The following PTPRT variants were observed in gnomAD, a reference collection of about 807,000 sequenced individuals.
The protein encoded by PTPRT is protein tyrosine phosphatase receptor type T.
In PTPRT, 56 loss-of-function variants were observed where a neutral mutation model predicts 176.8. The observed-to-expected ratio is 0.32, with a 90% CI of 0.26 to 0.40. The LOEUF (loss-of-function observed/expected upper bound fraction) is 0.40. Ranked by LOEUF, PTPRT falls within the 10% of genes least tolerant of loss-of-function variation. PTPRT has a pLI of 1.00. For missense variants in PTPRT, 1,540 were observed against 1,908.2 expected (o/e 0.81, Z 3.60); for synonymous variants, 783 against 739.0 (o/e 1.06, Z -0.96).
chr20:43,053,933 T>C (rs1987141664), intron 1 of PTPRT, among the ~76,000 whole-genome samples: 1 of 152,220 alleles, frequency 6.6e-6, no homozygotes, highest in Admixed American at 6.5e-5. Context: ...AGGCACCTAT[T>C]TATCAACCAA....
intron 9 of PTPRT, among the ~76,000 whole-genome samples, chr20:42,414,350 G>T (rs1462464740): frequency 6.6e-6 from 1 of 152,188 alleles, no homozygotes; most frequent in Non-Finnish European, 1.5e-5. Context: ...AATAATCCAA[G>T]CATTTCTATT....
rs547932746 is a variant in PTPRT at position 42,967,371 on chromosome 20, C to T, written c.89-81439G>A. Reference sequence around the variant, plus strand: ...GGGCCCTAAATCCAGTAACGAGTGTCCTTATAAAAAACAGAAGAGGAAAAG... The same window carrying T: ...GGGCCCTAAATCCAGTAACGAGTGTTCTTATAAAAAACAGAAGAGGAAAAG... On this transcript the variant is annotated intron_variant, in intron 1 of 30. Coordinates refer to ENST00000373187, the MANE Select transcript of PTPRT (RefSeq NM_007050.6). 1.2e-4 allele frequency among the ~76,000 whole-genome samples: 18 copies of T among 152,124 alleles called. No individual in the cohort carries two copies. In the South Asian group the frequency reaches 3.8e-3, roughly 32 times the overall value.
intron 1 of PTPRT, among the ~76,000 whole-genome samples, chr20:42,987,028 C>G (rs1395533779): frequency 6.6e-6 from 1 of 152,198 alleles, no homozygotes; most frequent in Non-Finnish European, 1.5e-5. Flanking sequence ...TCATATGGTA[C>G]TGGGGCTGTA....
At chr20:42,204,175 AT>A (rs1280603176) in intron 15 of PTPRT, among the ~76,000 whole-genome samples, 1 of 152,208 alleles carries the variant, frequency 6.6e-6, no homozygotes, top group African/African-American at 2.4e-5. Flanking sequence ...AACTAGAAAT[AT>A]TTTGGGCGGT....
intron 1 of PTPRT, among the ~76,000 whole-genome samples, chr20:43,087,355 TGTCC>T (rs11468178): frequency 0.56 from 71,917 of 128,932 alleles, 20,990 homozygotes; most frequent in East Asian, 0.83. Flanking sequence ...CTGTTCACAC[TGTCC>T]GTCCTTTTTT....
At chr20:42,871,314 TTAAA>T (rs1568649397) in intron 2 of PTPRT, among the ~76,000 whole-genome samples, 1 of 8,794 alleles carries the variant, frequency 1.1e-4, no homozygotes, top group African/African-American at 4.6e-4. Context: ...TCAGCCCTTT[TTAAA>T]AAAAAAAAAA....
intron 6 of PTPRT, among the ~76,000 whole-genome samples, chr20:42,694,018 T>A (rs1347814105): frequency 7.1e-6 from 1 of 141,260 alleles, no homozygotes; most frequent in African/African-American, 2.8e-5. Flanking sequence ...TACTCCAGGT[T>A]TTTTTTCTTT....
rs144392986 is a variant in PTPRT, at chr20:43,174,556, T to C, written c.88+15090A>G. Among the ~76,000 whole-genome samples the C allele has an allele frequency of 6.5e-4, 99 of 152,350 alleles. No individual in the cohort carries two copies. The East Asian group carries it at 0.018, about 27-fold the overall frequency. ...ATCTAGTCCCTGTTATTATCGCCCA[T>C]CATCCATCATTTCACCATATGATTT... On this transcript the variant is annotated intron_variant, in intron 1 of 30. Transcript: ENST00000373187.
intron 13 of PTPRT, among the ~76,000 whole-genome samples, chr20:42,272,955 ACT>A (rs1407730835): frequency 6.6e-6 from 1 of 152,006 alleles, no homozygotes; most frequent in African/African-American, 2.4e-5. Context: ...GATAATTGTT[ACT>A]CTTCTTTCAA....
At chr20:42,300,975 G>A (rs1177845678) in intron 12 of PTPRT, among the ~76,000 whole-genome samples, 3 of 151,478 alleles carry the variant, frequency 2.0e-5, no homozygotes, top group Non-Finnish European at 4.4e-5. Flanking sequence ...GGGGGAAGGG[G>A]GAGGGATAGC....
At chr20:43,083,331 T>TACATATAC (rs1357728570) in intron 1 of PTPRT, among the ~76,000 whole-genome samples, 1 of 94,132 alleles carries the variant, frequency 1.1e-5, no homozygotes, top group East Asian at 2.6e-4. Context: ...TATATATATA[T>TACATATAC]ATATATATAT....
chr20:43,083,369 T>TATATAA (rs1568774368), intron 1 of PTPRT, among the ~76,000 whole-genome samples: 3 of 110,244 alleles, frequency 2.7e-5, no homozygotes, highest in African/African-American at 4.0e-5. Context: ...TATATATATA[T>TATATAA]ACATTTTTTG....
rs73265814 is a variant in PTPRT, at chr20:43,073,760, T to C, written c.88+115886A>G. On this transcript the variant is annotated intron_variant, in intron 1 of 30. Transcript: ENST00000373187. ...TGGCTGGTGGGAAGGGAGAGATACA[T>C]GATCCAAGCAGAGCCAGGGTCTCAC... Among the ~76,000 whole-genome samples, 237 of 152,022 alleles carry C rather than the reference T, an allele frequency of 1.6e-3. 4 individuals are homozygous for C. The highest frequency in any genetic ancestry group is 0.01 in the Middle Eastern group (3 of 292).
At chr20:42,873,538 A>G (rs2078880533) in intron 2 of PTPRT, among the ~76,000 whole-genome samples, 1 of 152,256 alleles carries the variant, frequency 6.6e-6, no homozygotes, top group Non-Finnish European at 1.5e-5. Flanking sequence ...ATGCAATTCT[A>G]AATTTTCTAA....
intron 1 of PTPRT, among the ~76,000 whole-genome samples, chr20:42,960,672 G>T (rs1981935389): frequency 6.6e-6 from 1 of 152,056 alleles, no homozygotes; most frequent in Non-Finnish European, 1.5e-5. Flanking sequence ...CTAGGTACAT[G>T]CACACAGGTA....
At chr20:42,162,177 A>G (rs756662938) in intron 16 of PTPRT, among the ~76,000 whole-genome samples, 2 of 152,074 alleles carry the variant, frequency 1.3e-5, no homozygotes, top group Non-Finnish European at 2.9e-5. Flanking sequence ...TTGCTATTGT[A>G]TAGTTTCCCC....
At position 42,317,491 on chromosome 20, in the gene PTPRT, G is replaced by A. The variant is rs557825025; in HGVS notation, c.1866-1495C>T. Among the ~76,000 whole-genome samples, 4 of 152,242 alleles carry A rather than the reference G, an allele frequency of 2.6e-5. No individual in the cohort carries two copies. In the East Asian group the frequency reaches 7.7e-4, roughly 29 times the overall value. ...GATTGCCCAAAGAGTACCCACTGGA[G>A]ACTTCTGTGAATTAATGAGGTGGTT... On this transcript the variant is annotated intron_variant, in intron 11 of 30. Coordinates refer to ENST00000373187, the MANE Select transcript of PTPRT (RefSeq NM_007050.6).
chr20:42,067,388 T>A, the PTPRT span, among the ~76,000 whole-genome samples: 2 of 152,198 alleles, frequency 1.3e-5, no homozygotes, highest in Non-Finnish European at 2.9e-5. Flanking sequence ...ACATGGTTTG[T>A]CAGGAGCCAT....
At chr20:42,042,712 T>TTCAC in the PTPRT span, among the ~76,000 whole-genome samples, 1 of 152,232 alleles carries the variant, frequency 6.6e-6, no homozygotes, top group East Asian at 1.9e-4. Flanking sequence ...GGGTCACTGT[T>TTCAC]TCACTCACTC....
Sources: gnomAD v4.1 joint callset for allele counts (sites outside exome capture counted in the v4.1 genomes callset) on GRCh38, gnomAD v4.1.1 for gene constraint, MANE v1.5 for transcripts, NCBI Gene and HGNC (gene_info 2026-07-23, HGNC 2026-07-21) for gene names.